The following PPME1 variants were observed in gnomAD, a reference collection of about 807,000 sequenced individuals.
PPME1 encodes protein phosphatase methylesterase 1.
PPME1 carries 17 observed loss-of-function variants against 56.9 expected under a neutral mutation model. The observed-to-expected ratio is 0.30, with a 90% confidence interval of 0.20 to 0.45. PPME1 has a LOEUF of 0.45. PPME1 is among the 20% of genes least tolerant of loss of function. PPME1 has a pLI of 1.00. For missense variants in PPME1, 357 were observed against 483.2 expected (o/e 0.74, Z 2.45); for synonymous variants, 122 against 156.2 (o/e 0.78, Z 1.63).
intron 1 of PPME1, among the ~76,000 whole-genome samples, chr11:74,183,486 G>A (rs991155911): frequency 6.6e-5 from 10 of 151,946 alleles, no homozygotes; most frequent in African/African-American, 2.4e-4. Flanking sequence ...AATACCTTAA[G>A]TATTTTATTC....
At chr11:74,199,032 C>T (rs1313614790) in intron 1 of PPME1, among the ~76,000 whole-genome samples, 3 of 152,160 alleles carry the variant, frequency 2.0e-5, no homozygotes, top group African/African-American at 7.2e-5. Flanking sequence ...ACTATTCCCA[C>T]CTCATTCCAG....
intron 3 of PPME1, among the ~76,000 whole-genome samples, chr11:74,216,145 C>T (rs540516751): frequency 4.6e-5 from 7 of 152,292 alleles, no homozygotes; most frequent in Non-Finnish European, 1.0e-4. Context: ...ATCAAATGGA[C>T]TTAATAATTA....
rs575909145 is a variant in PPME1 at position 74,213,451 on chromosome 11, A to G, written c.289-8861A>G. 7.2e-5 allele frequency among the ~76,000 whole-genome samples: 11 copies of G among 152,334 alleles called. No individual in the cohort carries two copies. The South Asian group carries it at 1.9e-3, about 26-fold the overall frequency. ...GGACAGAAGCCTGGCTGGCTTTGCT[A>G]CCTGCTGATTATGGAGCCCTAGGGC... is the stretch of plus-strand genomic sequence containing the variant. On this transcript the variant is annotated intron_variant, in intron 3 of 13. Transcript: ENST00000328257.
At chr11:74,210,016 C>T (rs1425944867) in intron 3 of PPME1, among the ~76,000 whole-genome samples, 4 of 152,108 alleles carry the variant, frequency 2.6e-5, no homozygotes, top group Non-Finnish European at 4.4e-5. Context: ...GAGCCAAGAT[C>T]GTGCTACTGC....
At chr11:74,172,720 C>G (rs1346790181) in intron 1 of PPME1, among the ~76,000 whole-genome samples, 1 of 152,062 alleles carries the variant, frequency 6.6e-6, no homozygotes, top group Non-Finnish European at 1.5e-5. Context: ...TAGTTTCAAA[C>G]AGGATTCTGG....
intron 9 of PPME1, among the ~76,000 whole-genome samples, chr11:74,242,680 A>C (rs1409860430): frequency 6.6e-6 from 1 of 151,878 alleles, no homozygotes; most frequent in Admixed American, 6.6e-5. Flanking sequence ...GGAGATTGAG[A>C]CCATCCTGGC....
At chr11:74,213,458 G>A (rs535436603) in intron 3 of PPME1, among the ~76,000 whole-genome samples, 87 of 152,356 alleles carry the variant, frequency 5.7e-4, no homozygotes, top group African/African-American at 2.0e-3. Context: ...GCTACCTGCT[G>A]ATTATGGAGC....
At chr11:74,235,193 C>A (rs559050978) in intron 7 of PPME1, among the ~76,000 whole-genome samples, 2 of 152,228 alleles carry the variant, frequency 1.3e-5, no homozygotes, top group East Asian at 3.9e-4. Flanking sequence ...GGCAGTGTTT[C>A]CAGTTCACCC....
At chr11:74,192,961 C>G (rs188435388) in intron 1 of PPME1, among the ~76,000 whole-genome samples, 1 of 152,164 alleles carries the variant, frequency 6.6e-6, no homozygotes, top group Non-Finnish European at 1.5e-5. Context: ...GATGTTTCTT[C>G]TCACCTAAAA....
chr11:74,200,624 C>A (rs1858136635), intron 1 of PPME1, among the ~76,000 whole-genome samples: 1 of 152,104 alleles, frequency 6.6e-6, no homozygotes, highest in Non-Finnish European at 1.5e-5. Flanking sequence ...CTCAGCTGAT[C>A]TGCCCACCTC....
At chr11:74,251,616 T>C (rs1387171677) in intron 12 of PPME1, 32 bp from the exon 13 acceptor site, 4 of 1,608,526 alleles carry the variant, frequency 2.5e-6, no homozygotes, top group Non-Finnish European at 3.4e-6. Flanking sequence ...CACTAACCTT[T>C]ATATGGCCTG....
At chr11:74,224,669 A>C (rs1369950082) in intron 4 of PPME1, among the ~76,000 whole-genome samples, 198 of 126,280 alleles carry the variant, frequency 1.6e-3, no homozygotes, top group Admixed American at 2.7e-3. Flanking sequence ...CATCCCTTGT[A>C]AGTTGGATTC....
intron 5 of PPME1, among the ~76,000 whole-genome samples, chr11:74,229,573 A>G (rs1482871166): frequency 6.6e-6 from 1 of 152,218 alleles, no homozygotes; most frequent in Non-Finnish European, 1.5e-5. Context: ...TTCTCAGAGC[A>G]CTGTACTTAC....
chr11:74,192,819 C>T (rs563578139), intron 1 of PPME1, among the ~76,000 whole-genome samples: 141 of 152,302 alleles, frequency 9.3e-4, no homozygotes, highest in Non-Finnish European at 1.7e-3. Context: ...TATAAGCTTC[C>T]TGTGGCCCTT....
At chr11:74,231,648 T>C (rs920711139) in intron 7 of PPME1, among the ~76,000 whole-genome samples, 1 of 152,260 alleles carries the variant, frequency 6.6e-6, no homozygotes, top group African/African-American at 2.4e-5. Flanking sequence ...GATCATCTGC[T>C]GTCTAGCTGT....
At chr11:74,252,251 G>GTTT (rs1249533305) in intron 13 of PPME1, among the ~76,000 whole-genome samples, 9 of 118,458 alleles carry the variant, frequency 7.6e-5, no homozygotes, top group African/African-American at 2.8e-4. Flanking sequence ...TTTTTTTTTT[G>GTTT]TTTTTTTTTT....
chr11:74,222,316 C>T lies in PPME1; in HGVS notation c.293C>T (p.Ala98Val), dbSNP rs1330742033. The change falls in exon 4 of 14, where the codon GCG becomes GTG. Residue 98 changes from alanine (A) to valine (V), a missense_variant. Ala to Val is a moderately conservative substitution (Grantham distance 64, BLOSUM62 0). Around this residue, in one of 2 missense-constraint regions of PPME1, gnomAD observed 175 missense variants for 189.4 expected, o/e 0.92. Coordinates refer to ENST00000328257, the MANE Select transcript of PPME1 (RefSeq NM_016147.3). Reference protein sequence around the residue: ...SALSWAVFTAAIISRVQCRIV... With the variant: ...SALSWAVFTAVIISRVQCRIV... ...TACTTTTCCTTTTTCTCCTAGGCAG[C>T]GATTATTAGTAGAGTTCAGTGTAGG... The T allele has an allele frequency of 3.1e-6, 5 of 1,609,676 alleles. No homozygotes were observed. The Admixed American group carries it at 5.0e-5, about 16-fold the overall frequency.
chr11:74,217,280 G>C (rs184746675), intron 3 of PPME1, among the ~76,000 whole-genome samples: 19 of 152,198 alleles, frequency 1.2e-4, no homozygotes, highest in African/African-American at 4.6e-4. Flanking sequence ...AGTGGCTCGT[G>C]CCTGTAATCC....
At chr11:74,251,339 C>T (rs1859654630) in intron 12 of PPME1, 4 of 1,357,584 alleles carry the variant, frequency 2.9e-6, no homozygotes, top group Non-Finnish European at 3.8e-6. Flanking sequence ...GCTCCCTAAA[C>T]CACAGGCACA....
Sources: allele counts gnomAD v4.1 joint callset (sites outside exome capture counted in the v4.1 genomes callset), GRCh38; gene constraint gnomAD v4.1.1; regional missense constraint gnomAD v4.1.1; transcripts MANE v1.5; gene names NCBI Gene and HGNC (gene_info 2026-07-23, HGNC 2026-07-21).